Variants in MLIP observed in about 807,000 individuals in gnomAD.
MLIP encodes the protein muscular LMNA interacting protein.
MLIP carries 79 observed loss-of-function variants against 84.8 expected under a neutral mutation model. That is an observed-to-expected ratio of 0.93 (90% confidence interval 0.78 to 1.12). The LOEUF (loss-of-function observed/expected upper bound fraction) is 1.12. Among genes scored for constraint, MLIP ranks in the 50% most tolerant of loss-of-function variants. The probability of loss-of-function intolerance (pLI) is 0.00; values close to 1 mark genes in which losing one functional copy is unlikely to be tolerated. For missense variants in MLIP, 1,257 were observed against 1,160.6 expected (o/e 1.08, Z -1.21); for synonymous variants, 504 against 463.0 (o/e 1.09, Z -1.14).
At chr6:54,020,424 A>G (rs9464015) in intron 1 of MLIP, among the ~76,000 whole-genome samples, 10,056 of 152,268 alleles carry the variant, frequency 0.066, 818 homozygotes, top group African/African-American at 0.19. Context: ...CAGATATGGT[A>G]AGCATAAAGG....
chr6:54,026,714 A>ATT (rs1491446333), intron 1 of MLIP, among the ~76,000 whole-genome samples: 30 of 149,806 alleles, frequency 2.0e-4, no homozygotes, highest in African/African-American at 7.3e-4. Flanking sequence ...CTGTGTCTTC[A>ATT]GTGTGTGTGT....
At chr6:54,096,682 A>C (rs1768238012) in intron 1 of MLIP, among the ~76,000 whole-genome samples, 1 of 152,194 alleles carries the variant, frequency 6.6e-6, no homozygotes, top group Admixed American at 6.5e-5. Flanking sequence ...TCCCTCTGCC[A>C]ATCCTGCCTC....
At chr6:54,056,102 T>C (rs886570855) in intron 1 of MLIP, among the ~76,000 whole-genome samples, 3 of 152,204 alleles carry the variant, frequency 2.0e-5, no homozygotes, top group African/African-American at 4.8e-5. Context: ...AATTATTTTG[T>C]TAGAGTCATC....
chr6:54,178,457 G>A (rs1041266006), intron 9 of MLIP, among the ~76,000 whole-genome samples: 1 of 151,806 alleles, frequency 6.6e-6, no homozygotes, highest in African/African-American at 2.4e-5. Flanking sequence ...CTAATTTTGG[G>A]TTTGGTTTGC....
At chr6:54,187,751 C>A (rs1777533642) in intron 9 of MLIP, among the ~76,000 whole-genome samples, 1 of 152,104 alleles carries the variant, frequency 6.6e-6, no homozygotes, top group Admixed American at 6.5e-5. Flanking sequence ...GTCTGAAAAA[C>A]ACATCACTAG....
chr6:54,187,519 C>G (rs1388268906), intron 9 of MLIP, among the ~76,000 whole-genome samples: 1 of 152,234 alleles, frequency 6.6e-6, no homozygotes, highest in Non-Finnish European at 1.5e-5. Flanking sequence ...AGTAAAACTT[C>G]TAGAAGTGAA....
chr6:54,105,707 T>A (rs1174712288), intron 1 of MLIP, among the ~76,000 whole-genome samples: 1 of 151,770 alleles, frequency 6.6e-6, no homozygotes, highest in Non-Finnish European at 1.5e-5. Flanking sequence ...TTATATAAGG[T>A]GGTAAGGGAT....
intron 12 of MLIP, among the ~76,000 whole-genome samples, chr6:54,240,934 C>T (rs1287517179): frequency 6.6e-6 from 1 of 152,060 alleles, no homozygotes; most frequent in Non-Finnish European, 1.5e-5. Flanking sequence ...CCAAATCGCG[C>T]CACTGCACTC....
chr6:54,021,120 C>T (rs1570912), intron 1 of MLIP, among the ~76,000 whole-genome samples: 84,428 of 151,994 alleles, frequency 0.56, 25,507 homozygotes, highest in Non-Finnish European at 0.69. Context: ...TTCAGTTCAT[C>T]GAGCATTATG....
At chr6:54,019,101 G>A (rs1763357756) in intron 1 of MLIP, 1 of 1,611,798 alleles carries the variant, frequency 6.2e-7, no homozygotes, top group Admixed American at 1.7e-5. Flanking sequence ...GGTAAGACAT[G>A]AGATTTAGCA....
intron 9 of MLIP, among the ~76,000 whole-genome samples, chr6:54,173,320 A>T (rs1390329979): frequency 6.6e-6 from 1 of 151,788 alleles, no homozygotes; most frequent in Admixed American, 6.6e-5. Context: ...CATTCTTTAA[A>T]TATTTTATCC....
intron 1 of MLIP, among the ~76,000 whole-genome samples, chr6:54,113,803 C>T (rs1769679604): frequency 6.6e-6 from 1 of 152,188 alleles, no homozygotes; most frequent in South Asian, 2.1e-4. Flanking sequence ...ACTCTGTTTC[C>T]TGAGCACAGA....
intron 1 of MLIP, among the ~76,000 whole-genome samples, chr6:54,098,158 T>TC: frequency 6.7e-6 from 1 of 148,436 alleles, no homozygotes. Flanking sequence ...CTTTTTTTTT[T>TC]TTTTTTTTTT....
intron 1 of MLIP, among the ~76,000 whole-genome samples, chr6:54,101,904 C>G (rs1452461022): frequency 6.6e-6 from 1 of 152,092 alleles, no homozygotes; most frequent in Non-Finnish European, 1.5e-5. Context: ...GAAACTCAGC[C>G]TATACAGCCA....
intron 1 of MLIP, among the ~76,000 whole-genome samples, chr6:54,037,031 A>C (rs1764484944): frequency 6.6e-6 from 1 of 152,018 alleles, no homozygotes; most frequent in South Asian, 2.1e-4. Flanking sequence ...AATACAGTAG[A>C]TGTTTGTGAT....
At chr6:54,152,346 ATC>A (rs1305780301) in intron 5 of MLIP, among the ~76,000 whole-genome samples, 4 of 152,178 alleles carry the variant, frequency 2.6e-5, no homozygotes, top group African/African-American at 9.7e-5. Context: ...CTTTGTATTA[ATC>A]TGTTTTCACT....
chr6:54,081,403 T>G (rs376214551), intron 1 of MLIP, among the ~76,000 whole-genome samples: 2 of 149,186 alleles, frequency 1.3e-5, no homozygotes, highest in Non-Finnish European at 3.0e-5. Flanking sequence ...ATTTTTTTTT[T>G]GTTTGTTTGT....
intron 1 of MLIP, among the ~76,000 whole-genome samples, chr6:54,034,267 A>G (rs947588459): frequency 3.3e-5 from 5 of 152,200 alleles, no homozygotes; most frequent in African/African-American, 9.6e-5. Flanking sequence ...AACCCCTGAT[A>G]ATCACTAATC....
chr6:54,260,187 A>G (rs1292184067), intron 13 of MLIP, among the ~76,000 whole-genome samples: 1 of 151,966 alleles, frequency 6.6e-6, no homozygotes, highest in Non-Finnish European at 1.5e-5. Flanking sequence ...ATTCATTTAA[A>G]TACAAACAGA....
Sources: gnomAD v4.1 joint callset for allele counts (sites outside exome capture counted in the v4.1 genomes callset) on GRCh38, gnomAD v4.1.1 for gene constraint, MANE v1.5 for transcripts, NCBI Gene and HGNC (gene_info 2026-07-23, HGNC 2026-07-21) for gene names.